The following NLGN4X variants were observed in gnomAD, a reference collection of about 807,000 sequenced individuals.
The protein encoded by NLGN4X is neuroligin-4, X-linked.
Under a neutral mutation model 40.3 loss-of-function variants are expected in NLGN4X, and 3 were observed. The ratio of observed to expected loss-of-function variants is 0.07; its 90% CI spans 0.03 to 0.19. The LOEUF is 0.19. Among genes scored for constraint, NLGN4X ranks in the 10% least tolerant of loss-of-function variants. NLGN4X has a pLI of 1.00. For synonymous variants in NLGN4X, 270 were observed against 306.8 expected (o/e 0.88, Z 1.25); for missense variants, 382 against 708.3 (o/e 0.54, Z 5.23).
intron 2 of NLGN4X, among the ~76,000 whole-genome samples, chrX:6,042,685 T>A (rs1298081291): frequency 1.8e-4 from 5 of 28,414 alleles, no homozygotes; most frequent in Admixed American, 6.8e-4. Flanking sequence ...CATAGAGGTT[T>A]TATATATATA....
chrX:5,975,612 CAA>C (rs60917858), intron 3 of NLGN4X, among the ~76,000 whole-genome samples: 5 of 53,875 alleles, frequency 9.3e-5, no homozygotes, highest in Admixed American at 2.4e-4. Context: ...GACTCCGTTT[CAA>C]AAAAAAAAAA....
At chrX:5,919,974 G>A (rs2032966905) in intron 3 of NLGN4X, among the ~76,000 whole-genome samples, 1 of 111,815 alleles carries the variant, frequency 8.9e-6, no homozygotes, top group Admixed American at 9.6e-5. Context: ...GGAAGGCCCC[G>A]TCAATACATT....
chrX:6,128,160 G>A (rs753958641), intron 2 of NLGN4X, among the ~76,000 whole-genome samples: 6 of 111,044 alleles, frequency 5.4e-5, no homozygotes, highest in East Asian at 2.9e-4. Context: ...CTGTGTGCCC[G>A]TGTGTCTTCA....
chrX:5,893,175 T>C lies in NLGN4X; in HGVS notation c.2093A>G (p.Tyr698Cys). 1 of 1,211,623 alleles carries C rather than the reference T, an allele frequency of 8.3e-7. No individual in the cohort carries two copies. Among genetic ancestry groups the C allele is most frequent in the Non-Finnish European group, 1.1e-6 (1 of 895,435 alleles). Residue 698 changes from tyrosine (Y) to cysteine (C), a missense_variant, in exon 6 of 6, where the codon TAC (tyrosine) becomes TGC (cysteine). Transcript: ENST00000381095. Reference sequence around the variant, plus strand: ...CTCATGGCGCCTCTTGTCCTTTTTGTAGTACAGCGCCGCAAAAGCTAAGAT... The same window carrying C: ...CTCATGGCGCCTCTTGTCCTTTTTGCAGTACAGCGCCGCAAAAGCTAAGAT... ...LNILAFAALY[Y>C]KKDKRRHETH... is the part of the protein sequence containing the mutation.
At chrX:6,011,782 A>G (rs1310082180) in intron 3 of NLGN4X, among the ~76,000 whole-genome samples, 1 of 111,612 alleles carries the variant, frequency 9.0e-6, no homozygotes. Context: ...TAAAACCAGG[A>G]AAGGATGTTA....
At chrX:6,191,235 T>C (rs770302591) in intron 1 of NLGN4X, among the ~76,000 whole-genome samples, 16 of 111,439 alleles carry the variant, frequency 1.4e-4, no homozygotes, top group African/African-American at 5.2e-4. Context: ...TTCAAAATTA[T>C]CCATCAACTC....
chrX:5,955,186 C>T (rs556448538), intron 3 of NLGN4X, among the ~76,000 whole-genome samples: 7 of 111,634 alleles, frequency 6.3e-5, no homozygotes, highest in Admixed American at 1.9e-4. Context: ...CAAAAATATC[C>T]GGATGGTGGA....
At chrX:6,121,091 G>C (rs767073728) in intron 2 of NLGN4X, among the ~76,000 whole-genome samples, 220 of 110,170 alleles carry the variant, frequency 2.0e-3, no homozygotes, top group African/African-American at 7.2e-3. Context: ...TTCTGCTTAA[G>C]GGCTAAGGCC....
intron 1 of NLGN4X, among the ~76,000 whole-genome samples, chrX:6,197,132 G>A (rs67725109): frequency 0.38 from 41,567 of 110,772 alleles, 5,930 homozygotes; most frequent in Non-Finnish European, 0.45. Context: ...ATATTTCAAA[G>A]GTTAAAGAAT....
intron 3 of NLGN4X, among the ~76,000 whole-genome samples, chrX:5,990,858 G>C (rs2035663154): frequency 8.9e-6 from 1 of 111,785 alleles, no homozygotes; most frequent in Non-Finnish European, 1.9e-5. Flanking sequence ...CTCTAGCCAG[G>C]TAATACGGCC....
intron 3 of NLGN4X, among the ~76,000 whole-genome samples, chrX:5,982,497 A>G (rs1457166831): frequency 8.9e-6 from 1 of 112,558 alleles, no homozygotes; most frequent in Non-Finnish European, 1.9e-5. Context: ...GTAATATATT[A>G]GAATAAATCA....
chrX:5,953,840 T>C (rs998996992), intron 3 of NLGN4X, among the ~76,000 whole-genome samples: 1 of 112,019 alleles, frequency 8.9e-6, no homozygotes, highest in African/African-American at 3.2e-5. Context: ...CACAGCATTA[T>C]TGGCAATGAT....
At position 6,225,891 on chromosome X, in the gene NLGN4X, G is replaced by GC. The variant is rs1556015926; in HGVS notation, c.-306+2649dup. ...GCAACAACAACAACAACAAACCACC[G>GC]CCCCCCCCAAAAAAAATGACCAAAT... On this transcript the variant is annotated intron_variant, in intron 1 of 5. Coordinates refer to ENST00000381095, the MANE Select transcript of NLGN4X (RefSeq NM_181332.3). 2.9e-3 allele frequency among the ~76,000 whole-genome samples: 174 copies of GC among 59,872 alleles called. 4 individuals carry two copies. Among genetic ancestry groups the GC allele is most frequent in the East Asian group, 0.019 (50 of 2,574 alleles). The allele number at this position is 59,872 out of a possible 115,157, so 52.0% of individuals were successfully genotyped here.
intron 3 of NLGN4X, among the ~76,000 whole-genome samples, chrX:5,939,146 C>T (rs902157679): frequency 2.7e-5 from 3 of 111,046 alleles, no homozygotes; most frequent in African/African-American, 9.8e-5. Flanking sequence ...GCAGACATTC[C>T]ATCTGCATGG....
chrX:6,120,987 C>T (rs1365951863), intron 2 of NLGN4X, among the ~76,000 whole-genome samples: 1 of 111,985 alleles, frequency 8.9e-6, no homozygotes. Context: ...AGTCAAGGTG[C>T]TGTATCCTTT....
chrX:5,994,250 A>T (rs1185833351), intron 3 of NLGN4X, among the ~76,000 whole-genome samples: 1 of 112,011 alleles, frequency 8.9e-6, no homozygotes. Flanking sequence ...GGTGAGGATA[A>T]AGAAGGCTAC....
At chrX:5,896,557 C>T (rs1476653781) in intron 5 of NLGN4X, among the ~76,000 whole-genome samples, 2 of 112,090 alleles carry the variant, frequency 1.8e-5, no homozygotes, top group African/African-American at 3.2e-5. Context: ...TGCATGTCTT[C>T]CTCCTTATCC....
At chrX:5,980,698 C>A (rs937100049) in intron 3 of NLGN4X, among the ~76,000 whole-genome samples, 3 of 109,369 alleles carry the variant, frequency 2.7e-5, no homozygotes, top group African/African-American at 9.9e-5. Context: ...TTGGAAAATT[C>A]ATTGTCCATA....
chrX:5,903,013 A>C, intron 5 of NLGN4X, 64 bp downstream of exon 5: 1 of 1,169,980 alleles, frequency 8.5e-7, no homozygotes, highest in Non-Finnish European at 1.2e-6. Context: ...TAGAAGCAAC[A>C]CCTATATTGA....
Sources: gnomAD v4.1 joint callset for allele counts (sites outside exome capture counted in the v4.1 genomes callset) on GRCh38, gnomAD v4.1.1 for gene constraint, MANE v1.5 for transcripts, NCBI Gene and HGNC (gene_info 2026-07-23, HGNC 2026-07-21) for gene names.